The following ZNF385B variants were observed in gnomAD, a reference collection of about 807,000 sequenced individuals.
The protein encoded by ZNF385B is zinc finger protein 385B.
In ZNF385B, 23 loss-of-function variants were observed where a neutral mutation model predicts 39.2. The observed-to-expected ratio is 0.59, with a 90% CI of 0.42 to 0.83. ZNF385B has a LOEUF of 0.83. Ranked by LOEUF, ZNF385B falls within the 40% of genes least tolerant of loss-of-function variation. The pLI is 0.00. For missense variants in ZNF385B, 552 were observed against 598.9 expected (o/e 0.92, Z 0.82); for synonymous variants, 205 against 222.6 (o/e 0.92, Z 0.70).
At chr2:179,570,027 A>C (rs781617893) in intron 3 of ZNF385B, among the ~76,000 whole-genome samples, 15 of 152,160 alleles carry the variant, frequency 9.9e-5, no homozygotes, top group Non-Finnish European at 1.8e-4. Flanking sequence ...ATACTTGGCA[A>C]ATGAGGTATT....
chr2:179,830,357 A>T (rs139721989), intron 1 of ZNF385B, among the ~76,000 whole-genome samples: 1 of 152,358 alleles, frequency 6.6e-6, no homozygotes, highest in Non-Finnish European at 1.5e-5. Flanking sequence ...CATGGGATCC[A>T]TCAATTGCAC....
chr2:179,478,264 C>T (rs1193653671), intron 6 of ZNF385B, among the ~76,000 whole-genome samples: 1 of 146,552 alleles, frequency 6.8e-6, no homozygotes, highest in Non-Finnish European at 1.5e-5. Context: ...CAATAAAAAA[C>T]ATCACTAGGT....
intron 5 of ZNF385B, among the ~76,000 whole-genome samples, chr2:179,495,472 CA>C (rs1406282527): frequency 6.6e-6 from 1 of 152,188 alleles, no homozygotes; most frequent in Non-Finnish European, 1.5e-5. Flanking sequence ...TTGGCTTTGC[CA>C]CCGGCTTATT....
chr2:179,806,668 C>A (rs1342564519), intron 1 of ZNF385B, among the ~76,000 whole-genome samples: 1 of 152,174 alleles, frequency 6.6e-6, no homozygotes, highest in Non-Finnish European at 1.5e-5. Context: ...CTCAGAAAAA[C>A]CCCACAATGT....
intron 3 of ZNF385B, among the ~76,000 whole-genome samples, chr2:179,546,885 C>A (rs931441609): frequency 6.7e-6 from 1 of 149,696 alleles, no homozygotes; most frequent in Admixed American, 6.6e-5. Flanking sequence ...TCCTTGCCAA[C>A]ATTTGTTATT....
chr2:179,580,798 C>A (rs1376117618), intron 3 of ZNF385B, among the ~76,000 whole-genome samples: 1 of 152,142 alleles, frequency 6.6e-6, no homozygotes, highest in African/African-American at 2.4e-5. Flanking sequence ...TACAGCTGCC[C>A]AAGCAAACTA....
At chr2:179,765,744 T>C (rs1481740448) in intron 3 of ZNF385B, among the ~76,000 whole-genome samples, 1 of 152,124 alleles carries the variant, frequency 6.6e-6, no homozygotes, top group Non-Finnish European at 1.5e-5. Flanking sequence ...TCTTACTGCC[T>C]TTGTGGACCC....
chr2:179,784,577 A>C (rs1306969873), intron 1 of ZNF385B, among the ~76,000 whole-genome samples: 1 of 152,074 alleles, frequency 6.6e-6, no homozygotes, highest in Non-Finnish European at 1.5e-5. Flanking sequence ...CATATATACA[A>C]CAAATTACTC....
intron 4 of ZNF385B, among the ~76,000 whole-genome samples, chr2:179,544,167 C>A (rs757034210): frequency 2.0e-5 from 3 of 152,148 alleles, no homozygotes; most frequent in Admixed American, 1.3e-4. Context: ...CTTGACACAC[C>A]TACAAATGTT....
At chr2:179,470,945 C>A (rs1574306770) in intron 6 of ZNF385B, among the ~76,000 whole-genome samples, 1 of 152,152 alleles carries the variant, frequency 6.6e-6, no homozygotes, top group Non-Finnish European at 1.5e-5. Context: ...TGACTTGTAA[C>A]CATATGGTAG....
At chr2:179,631,671 A>G (rs938808082) in intron 3 of ZNF385B, among the ~76,000 whole-genome samples, 2 of 152,206 alleles carry the variant, frequency 1.3e-5, no homozygotes, top group Non-Finnish European at 2.9e-5. Context: ...ACACATAACA[A>G]TATTAACCTT....
intron 3 of ZNF385B, among the ~76,000 whole-genome samples, chr2:179,749,978 T>C (rs1702581262): frequency 1.3e-5 from 2 of 152,136 alleles, no homozygotes; most frequent in African/African-American, 4.8e-5. Context: ...TTTTAATCAT[T>C]TTATCAAACT....
chr2:179,566,206 G>T (rs1684559234), intron 3 of ZNF385B, among the ~76,000 whole-genome samples: 1 of 152,202 alleles, frequency 6.6e-6, no homozygotes, highest in African/African-American at 2.4e-5. Flanking sequence ...ACAGAAACAA[G>T]TTTAAGACCT....
chr2:179,560,988 G>A (rs940398710), intron 3 of ZNF385B, among the ~76,000 whole-genome samples: 1 of 152,146 alleles, frequency 6.6e-6, no homozygotes, highest in Non-Finnish European at 1.5e-5. Context: ...ACATGTGAAG[G>A]ACAGGGACAA....
At chr2:179,831,276 C>T (rs893541173) in intron 1 of ZNF385B, among the ~76,000 whole-genome samples, 1 of 152,094 alleles carries the variant, frequency 6.6e-6, no homozygotes, top group Non-Finnish European at 1.5e-5. Context: ...TAATTTAATT[C>T]TCACATAACC....
chr2:179,782,028 C>G (rs944301368), intron 1 of ZNF385B, among the ~76,000 whole-genome samples: 1 of 152,066 alleles, frequency 6.6e-6, no homozygotes, highest in East Asian at 1.9e-4. Flanking sequence ...GGCACATACA[C>G]AGAAAAGGAA....
At chr2:179,720,519 G>A (rs1164282647) in intron 3 of ZNF385B, among the ~76,000 whole-genome samples, 1 of 133,708 alleles carries the variant, frequency 7.5e-6, no homozygotes, top group Non-Finnish European at 1.6e-5. Flanking sequence ...AAAGGGAGGA[G>A]GAGAGGAGGG....
At chr2:179,752,567 C>T (rs1451320045) in intron 3 of ZNF385B, among the ~76,000 whole-genome samples, 3 of 152,172 alleles carry the variant, frequency 2.0e-5, no homozygotes, top group Non-Finnish European at 4.4e-5. Context: ...TAAAAGTGTT[C>T]CTGTTTCTCC....
intron 3 of ZNF385B, among the ~76,000 whole-genome samples, chr2:179,729,706 A>G (rs1212942764): frequency 2.0e-5 from 3 of 152,136 alleles, no homozygotes; most frequent in Non-Finnish European, 4.4e-5. Context: ...CTCATCTCAA[A>G]CTGTAATCCC....
Sources: gnomAD v4.1 joint callset for allele counts (sites outside exome capture counted in the v4.1 genomes callset) on GRCh38, gnomAD v4.1.1 for gene constraint, MANE v1.5 for transcripts, NCBI Gene and HGNC (gene_info 2026-07-23, HGNC 2026-07-21) for gene names.